Variants in RBM22 observed in about 807,000 individuals in gnomAD.
The protein encoded by RBM22 is pre-mRNA-splicing factor RBM22.
RBM22 carries 1 observed loss-of-function variant against 50.1 expected under a neutral mutation model. The observed-to-expected ratio is 0.02, with a 90% confidence interval of 0.01 to 0.09. The LOEUF is 0.09. Among genes scored for constraint, RBM22 ranks in the 10% least tolerant of loss-of-function variants. The pLI, the probability that RBM22 is intolerant of heterozygous loss-of-function variation, is 1.00. For synonymous variants in RBM22, 152 were observed against 179.0 expected (o/e 0.85, Z 1.20); for missense variants, 264 against 529.3 (o/e 0.50, Z 4.92).
At chr5:150,698,363 T>C (rs1759303653) in intron 4 of RBM22, 136 bp downstream of exon 4, 2 of 1,171,876 alleles carry the variant, frequency 1.7e-6, no homozygotes, top group Non-Finnish European at 1.2e-6. Flanking sequence ...GTTCTTTTCC[T>C]GGGAAAAGCA....
At chr5:150,697,976 GAC>G (rs140716152) in intron 4 of RBM22, among the ~76,000 whole-genome samples, 2 of 151,948 alleles carry the variant, frequency 1.3e-5, no homozygotes, top group Non-Finnish European at 2.9e-5. Flanking sequence ...GCAAAATAGT[GAC>G]ACACACACAC....
At chr5:150,700,897 T>C (rs1759340632) in intron 1 of RBM22, 35 bp downstream of exon 1, 1 of 1,613,984 alleles carries the variant, frequency 6.2e-7, no homozygotes, top group African/African-American at 1.3e-5. Context: ...CGGCTTCGCC[T>C]CCTCCTTCCA....
Position 150,701,042 on chromosome 5 carries a change from A to G in RBM22, c.-57T>C, listed in dbSNP as rs535537223. 2.1e-4 allele frequency: 332 copies of G among 1,608,658 alleles called. 1 individual carries two copies. Among genetic ancestry groups the G allele is most frequent in the Middle Eastern group, 1.5e-3 (9 of 6,052 alleles). On this transcript the variant is annotated 5_prime_UTR_variant, in exon 1 of 11. Transcript: ENST00000199814. ...CGAATTGGGAGAGAGGACCGCCACA[A>G]TCCCGTCAAGCCCCGAGGCTAGCGC...
intron 1 of RBM22, 197 bp downstream of exon 1, chr5:150,700,734 TC>T (rs1169927631): frequency 6.5e-7 from 1 of 1,537,472 alleles, no homozygotes; most frequent in South Asian, 1.2e-5. Flanking sequence ...AGGGTGCTGG[TC>T]CCGGGACCCT....
chr5:150,700,350 T>C (rs1759329821), intron 2 of RBM22, 94 bp downstream of exon 2: 2 of 1,279,548 alleles, frequency 1.6e-6, no homozygotes, highest in Non-Finnish European at 2.2e-6. Flanking sequence ...AAGAGCATCA[T>C]TTTTTCTGCT....
Position 150,696,823 on chromosome 5 carries a change from T to C in RBM22, c.340A>G (p.Lys114Glu). The C allele has an allele frequency of 6.2e-7, 1 of 1,614,238 alleles. No homozygotes were observed. The highest frequency in any genetic ancestry group is 8.5e-7 in the Non-Finnish European group (1 of 1,180,034). Residue 114 changes from lysine (K) to glutamate (E), a missense_variant, in exon 5 of 11, where the codon AAA becomes GAA. Physicochemically the swap from Lys to Glu is moderately conservative, Grantham distance 56. Around this residue, in one of 7 missense-constraint regions of RBM22, gnomAD observed 44 missense variants for 57.9 expected, o/e 0.76. Coordinates refer to ENST00000199814, the MANE Select transcript of RBM22 (RefSeq NM_018047.3). This position sits in a 1 kb window ranked among gnomAD's most constrained non-coding sequence, Gnocchi z 4.3. ...KDDMPKSDVN[K>E]EYYTQNMERE... ...TCCATATTCTGTGTATAGTACTCTT[T>C]GTTGACATCTGACTTTGGCATGTCA... is the stretch of plus-strand genomic sequence containing the variant.
Position 150,695,527 on chromosome 5 carries a change from G to C in RBM22, c.725C>G (p.Thr242Ser). 6.2e-7 allele frequency: 1 copy of C among 1,613,712 alleles called. No individual in the cohort carries two copies. The highest frequency in any genetic ancestry group is 8.5e-7 in the Non-Finnish European group (1 of 1,179,752). Residue 242 changes from threonine (T) to serine (S), a missense_variant, in exon 7 of 11, where the codon ACC becomes AGC. By Grantham distance (58) the Thr-to-Ser change is moderately conservative. This residue lies in a region of RBM22 where 62 missense variants were observed against 102.6 expected (regional missense o/e 0.60). Transcript: ENST00000199814. ...TTLYVGGLGD[T>S]ITETDLRNHF... ...AAACCTTAAATCTGTCTCAGTAATG[G>C]TATCACCTAGACCACCAACATATAG...
chr5:150,700,785 C>G lies in RBM22; in HGVS notation c.54+147G>C, dbSNP rs1351482052. The G allele has an allele frequency of 6.4e-6, 10 of 1,566,150 alleles. No homozygotes were observed. In the African/African-American group the frequency reaches 1.4e-4, roughly 21 times the overall value. ...CCTTCAAGCCCGCAGGAGGATCGCC[C>G]TCCGCCCTCCTGCTCCGGCCAAGCT... is the stretch of plus-strand genomic sequence containing the variant. On this transcript the variant is annotated intron_variant, in intron 1 of 10. Transcript: ENST00000199814.
intron 1 of RBM22, 174 bp from the exon 2 acceptor site, chr5:150,700,671 C>A (rs867107675): frequency 6.6e-7 from 1 of 1,525,126 alleles, no homozygotes; most frequent in Non-Finnish European, 8.8e-7. Flanking sequence ...TTCCGGCAGG[C>A]GGCGGGAGAA....
rs542896076 is a variant in RBM22 at position 150,698,225 on chromosome 5, T to C, written c.271+274A>G. On this transcript the variant is annotated intron_variant, in intron 4 of 10. Transcript: ENST00000199814. Reference sequence around the variant, plus strand: ...AGAAGCCTAAGGCAAATAAATTATCTATCATAGGATCAACGCCTTTTACCT... The same window carrying C: ...AGAAGCCTAAGGCAAATAAATTATCCATCATAGGATCAACGCCTTTTACCT... Among the ~76,000 whole-genome samples the C allele has an allele frequency of 9.2e-5, 14 of 152,334 alleles. No homozygotes were observed. The East Asian group carries it at 2.7e-3, about 29-fold the overall frequency.
At chr5:150,695,856 C>A in intron 6 of RBM22, 150 bp from the exon 7 acceptor site, 1 of 646,348 alleles carries the variant, frequency 1.5e-6, no homozygotes, top group Non-Finnish European at 2.6e-6. Context: ...AATATAATTA[C>A]CAAAATAGAC....
chr5:150,700,751 A>AGG, intron 1 of RBM22, 181 bp downstream of exon 1: 1 of 1,542,318 alleles, frequency 6.5e-7, no homozygotes, highest in South Asian at 1.2e-5. Flanking sequence ...ACCCTGGCTA[A>AGG]GCCCCCTCCC....
intron 2 of RBM22, among the ~76,000 whole-genome samples, chr5:150,700,158 C>G (rs1377654838): frequency 2.0e-5 from 3 of 152,184 alleles, no homozygotes; most frequent in East Asian, 3.8e-4. Context: ...AGCTCCATTC[C>G]TTACTATTGT....
intron 3 of RBM22, 134 bp downstream of exon 3, chr5:150,699,108 T>C (rs1432858226): frequency 1.6e-6 from 2 of 1,228,804 alleles, no homozygotes; most frequent in Non-Finnish European, 1.1e-6. Context: ...CCAATGAATA[T>C]ATCAGTAATA....
intron 8 of RBM22, 101 bp from the exon 9 acceptor site, chr5:150,693,408 C>A: frequency 3.4e-6 from 3 of 873,764 alleles, no homozygotes; most frequent in Non-Finnish European, 5.5e-6. Flanking sequence ...CGCTCTACCT[C>A]CTCCTCAGCA....
rs1759306417 is a variant in RBM22, at chr5:150,698,560, C to T, written c.210G>A (p.Val70=). The change falls in exon 4 of 11, where the codon GTG becomes GTA. Residue 70 remains valine, a synonymous_variant. Transcript: ENST00000199814. The part of the protein sequence containing the change: ...GVRMRFKKTE[V]CQTCSKLKNV... ...TCTTCAATTTACTGCAGGTTTGGCACACTTCAGTCTTCTTGAAACGCATGC... is the reference window on the plus strand; with the variant it reads ...TCTTCAATTTACTGCAGGTTTGGCATACTTCAGTCTTCTTGAAACGCATGC... 2.5e-6 allele frequency: 4 copies of T among 1,614,146 alleles called. No homozygotes were observed. The highest frequency in any genetic ancestry group is 2.2e-5 in the South Asian group (2 of 91,084).
chr5:150,692,464 G>T (rs1181022550), intron 10 of RBM22, among the ~76,000 whole-genome samples: 1 of 151,990 alleles, frequency 6.6e-6, no homozygotes, highest in Non-Finnish European at 1.5e-5. Context: ...AGTTTTTTTG[G>T]TAACAAGACT....
In RBM22 at chr5:150,694,198, A is replaced by G. The variant is rs1049636135; in HGVS notation, c.789T>C (p.Val263=). ...YQFGEIRTIT[V]VQRQQCAFIQ... ...TGAAAGCACACTGCTGTCTCTGCAC[A>G]ACAGTGATCGTCCGGATCTCTCCGA... is the stretch of plus-strand genomic sequence containing the variant. The change falls in exon 8 of 11, where the codon GTT becomes GTC. Residue 263 remains valine, a synonymous_variant. Coordinates refer to ENST00000199814, the MANE Select transcript of RBM22 (RefSeq NM_018047.3). The G allele has an allele frequency of 6.2e-7, 1 of 1,614,074 alleles. No homozygotes were observed. Among genetic ancestry groups the G allele is most frequent in the African/African-American group, 1.3e-5 (1 of 74,952 alleles).
rs1459614043 is a variant in RBM22 at position 150,700,431 on chromosome 5, C to G, written c.108+13G>C. Reference sequence around the variant, plus strand: ...CAGGACATGAATAACTCGTTTCACACGCGATCACTCACCATTCGGATATAT... The same window carrying G: ...CAGGACATGAATAACTCGTTTCACAGGCGATCACTCACCATTCGGATATAT... On this transcript the variant is annotated intron_variant, in intron 2 of 10. Transcript: ENST00000199814. 4.4e-6 allele frequency: 7 copies of G among 1,603,944 alleles called. No individual in the cohort carries two copies. The highest frequency in any genetic ancestry group is 1.7e-4 in the Middle Eastern group (1 of 6,040).
Sources: gnomAD v4.1 joint callset for allele counts (sites outside exome capture counted in the v4.1 genomes callset) on GRCh38, gnomAD v4.1.1 for gene constraint, gnomAD v4.1.1 regional missense constraint, Gnocchi (gnomAD v3.1) non-coding constraint, MANE v1.5 for transcripts, NCBI Gene and HGNC (gene_info 2026-07-23, HGNC 2026-07-21) for gene names.